ADAMTSL3: variants seen among roughly 807,000 people sequenced by gnomAD.
The protein encoded by ADAMTSL3 is ADAMTS like 3.
A neutral mutation model predicts 201.7 loss-of-function variants in ADAMTSL3; 128 were observed. The ratio of observed to expected loss-of-function variants is 0.63; its 90% CI spans 0.55 to 0.73. The LOEUF (loss-of-function observed/expected upper bound fraction) is 0.73, where lower values mean the gene tolerates loss of function less well. Ranked by LOEUF, ADAMTSL3 falls within the 30% of genes least tolerant of loss-of-function variation. The probability of loss-of-function intolerance (pLI) is 0.00; values close to 1 mark genes in which losing one functional copy is unlikely to be tolerated. For synonymous variants in ADAMTSL3, 738 were observed against 748.4 expected (o/e 0.99, Z 0.23); for missense variants, 1,990 against 2,119.6 (o/e 0.94, Z 1.20).
chr15:83,719,333 G>A (rs2062064067), intron 3 of ADAMTSL3, among the ~76,000 whole-genome samples: 3 of 152,076 alleles, frequency 2.0e-5, no homozygotes, highest in African/African-American at 7.2e-5. Flanking sequence ...AAGAAAACTA[G>A]ATACAGAACC....
chr15:83,827,981 G>GGATT (rs1416903348), intron 6 of ADAMTSL3, among the ~76,000 whole-genome samples: 1 of 152,292 alleles, frequency 6.6e-6, no homozygotes, highest in East Asian at 1.9e-4. Flanking sequence ...TTTTGGGTTA[G>GGATT]GATTGTCTTG....
intron 5 of ADAMTSL3, among the ~76,000 whole-genome samples, chr15:83,805,824 G>A (rs546133421): frequency 6.6e-6 from 1 of 152,308 alleles, no homozygotes; most frequent in Non-Finnish European, 1.5e-5. Flanking sequence ...GCATAGGGAG[G>A]AGGGCGAAGT....
chr15:83,763,227 A>T (rs1485261681), intron 3 of ADAMTSL3, among the ~76,000 whole-genome samples: 1 of 152,186 alleles, frequency 6.6e-6, no homozygotes, highest in African/African-American at 2.4e-5. Flanking sequence ...TTTGTCACCA[A>T]CAAGCTCCCA....
chr15:83,916,035 C>A (rs556292576), intron 16 of ADAMTSL3, among the ~76,000 whole-genome samples: 60 of 152,224 alleles, frequency 3.9e-4, no homozygotes, highest in Non-Finnish European at 7.8e-4. Context: ...ACCTTTGAAT[C>A]CATTTAAAAC....
At chr15:83,907,380 AT>A (rs1258583055) in intron 15 of ADAMTSL3, among the ~76,000 whole-genome samples, 1 of 152,092 alleles carries the variant, frequency 6.6e-6, no homozygotes, top group Non-Finnish European at 1.5e-5. Context: ...AAATGAATAA[AT>A]TGGCATTGTT....
Position 83,654,627 on chromosome 15 carries a change from G to C in ADAMTSL3, c.-34+351G>C, listed in dbSNP as rs900678992. Among the ~76,000 whole-genome samples the C allele has an allele frequency of 6.6e-6, 1 of 152,170 alleles. No individual in the cohort carries two copies. The highest frequency in any genetic ancestry group is 2.4e-5 in the African/African-American group (1 of 41,464). ...CCTCGCGGGTCCGAAGGTCCGGCCG[G>C]TTGACCACTGGGTAGCGAGCGCCCA... On this transcript the variant is annotated intron_variant, in intron 1 of 29. Transcript: ENST00000286744. This position sits in a 1 kb window ranked among gnomAD's most constrained non-coding sequence, Gnocchi z 5.3.
chr15:83,734,558 A>T lies in ADAMTSL3; in HGVS notation c.189+30050A>T, dbSNP rs568375837. On this transcript the variant is annotated intron_variant, in intron 3 of 29. Transcript: ENST00000286744. The stretch of plus-strand genomic sequence containing the variant: ...AATAGCTGTAGCTATTCAGCATCCC[A>T]GCACTTGTGTGCCTGCTTTGTGATG... 2.0e-5 allele frequency among the ~76,000 whole-genome samples: 3 copies of T among 152,296 alleles called. No individual in the cohort carries two copies. In the South Asian group the frequency reaches 6.2e-4, roughly 32 times the overall value.
chr15:83,891,211 T>C (rs1485145592), intron 11 of ADAMTSL3, 118 bp from the exon 12 acceptor site: 2 of 859,706 alleles, frequency 2.3e-6, no homozygotes, highest in African/African-American at 3.4e-5. Flanking sequence ...CACTTGATAT[T>C]TTTAGTTTCC....
chr15:83,704,003 C>CAAAA (rs373378778), intron 2 of ADAMTSL3, among the ~76,000 whole-genome samples: 2,765 of 127,630 alleles, frequency 0.022, 128 homozygotes, highest in African/African-American at 0.072. Flanking sequence ...ACTCCTTTGC[C>CAAAA]AAAAAAAAAA....
At chr15:83,667,515 A>AG (rs2061265084) in intron 2 of ADAMTSL3, among the ~76,000 whole-genome samples, 1 of 124,224 alleles carries the variant, frequency 8.0e-6, no homozygotes, top group African/African-American at 3.0e-5. Flanking sequence ...CAAATTATGA[A>AG]GGTTTTTTTT....
Position 83,983,262 on chromosome 15 carries a change from A to G in ADAMTSL3, c.3634A>G (p.Asn1212Asp). ...VYITKRTEVINILCDLITPSE... is the reference protein window; with the variant it reads ...VYITKRTEVIDILCDLITPSE... ...CATTACAAAAAGGACAGAGGTCATC[A>G]ATATACTGTGTGACCTTATTACCCC... Residue 1212 changes from asparagine to aspartate, a missense_variant, in exon 21 of 30, where the codon AAT becomes GAT. Transcript: ENST00000286744. The G allele has an allele frequency of 1.9e-6, 3 of 1,612,370 alleles. No individual in the cohort carries two copies. In the South Asian group the frequency reaches 3.3e-5, roughly 18 times the overall value.
intron 22 of ADAMTSL3, 109 bp from the exon 23 acceptor site, chr15:83,990,977 A>G: frequency 6.7e-7 from 1 of 1,487,668 alleles, no homozygotes; most frequent in Non-Finnish European, 9.1e-7. Flanking sequence ...GAGAACCAGG[A>G]CTCCACTCCT....
At chr15:83,893,561 AT>A (rs2065552958) in intron 13 of ADAMTSL3, among the ~76,000 whole-genome samples, 1 of 152,174 alleles carries the variant, frequency 6.6e-6, no homozygotes, top group African/African-American at 2.4e-5. Context: ...AACCTTCACA[AT>A]TTTTGTGAAG....
intron 2 of ADAMTSL3, among the ~76,000 whole-genome samples, chr15:83,687,333 T>G (rs995736033): frequency 6.6e-6 from 1 of 152,248 alleles, no homozygotes; most frequent in Admixed American, 6.5e-5. Flanking sequence ...CTAAATGAGA[T>G]ATTTTACATT....
At chr15:83,701,319 T>TG (rs2061774339) in intron 2 of ADAMTSL3, among the ~76,000 whole-genome samples, 1 of 152,186 alleles carries the variant, frequency 6.6e-6, no homozygotes, top group Admixed American at 6.5e-5. Context: ...AGTCTTCCCT[T>TG]GGACAGGCTC....
chr15:83,664,031 G>C (rs1357196812), intron 2 of ADAMTSL3, among the ~76,000 whole-genome samples: 5 of 152,236 alleles, frequency 3.3e-5, no homozygotes, highest in East Asian at 1.9e-4. Context: ...GCTCTCCCAG[G>C]CAGCCTCCAT....
rs2067573778 is a variant in ADAMTSL3, at chr15:83,991,097, A to G, written c.3856A>G (p.Ile1286Val). ...SSVLYAEAPVILSVERNITKP... is the reference protein window; with the variant it reads ...SSVLYAEAPVVLSVERNITKP... ...CCCTTTGAATTAAGAGGCACCTGTCATCTTGTCTGTTGAAAGAAATATCAC... is the reference window on the plus strand; with the variant it reads ...CCCTTTGAATTAAGAGGCACCTGTCGTCTTGTCTGTTGAAAGAAATATCAC... The change falls in exon 23 of 30, where the codon ATC (isoleucine) becomes GTC (valine). Residue 1286 changes from isoleucine to valine, a missense_variant. Coordinates refer to ENST00000286744, the MANE Select transcript of ADAMTSL3 (RefSeq NM_207517.3). 4 of 1,614,110 alleles carry G rather than the reference A, an allele frequency of 2.5e-6. No homozygotes were observed. Among genetic ancestry groups the G allele is most frequent in the African/African-American group, 1.3e-5 (1 of 74,950 alleles).
At chr15:83,981,396 C>T (rs1483791864) in intron 20 of ADAMTSL3, among the ~76,000 whole-genome samples, 2 of 152,184 alleles carry the variant, frequency 1.3e-5, no homozygotes, top group African/African-American at 4.8e-5. Context: ...CTGCACCTGC[C>T]CTTGTCACCA....
intron 3 of ADAMTSL3, among the ~76,000 whole-genome samples, chr15:83,745,360 G>A (rs1468844834): frequency 6.6e-6 from 1 of 152,180 alleles, no homozygotes; most frequent in East Asian, 1.9e-4. Context: ...CTGACCCTCT[G>A]TCCTCATTAG....
Sources: allele counts gnomAD v4.1 joint callset (sites outside exome capture counted in the v4.1 genomes callset), GRCh38; gene constraint gnomAD v4.1.1; non-coding constraint Gnocchi (gnomAD v3.1); transcripts MANE v1.5; gene names NCBI Gene and HGNC (gene_info 2026-07-23, HGNC 2026-07-21).